The following RNF17 variants were observed in gnomAD, a reference collection of about 807,000 sequenced individuals.
RNF17 encodes the protein spermatogenesis associated 23.
Under a neutral mutation model 200.5 loss-of-function variants are expected in RNF17, and 31 were observed. The observed-to-expected ratio is 0.15, with a 90% confidence interval of 0.12 to 0.21. The LOEUF (loss-of-function observed/expected upper bound fraction) is 0.21. Among genes scored for constraint, RNF17 ranks in the 10% least tolerant of loss-of-function variants. RNF17 has a pLI of 1.00. For synonymous variants in RNF17, 606 were observed against 637.8 expected (o/e 0.95, Z 0.75); for missense variants, 1,628 against 1,905.1 (o/e 0.85, Z 2.71).
At chr13:24,816,568 G>A (rs191029371) in intron 15 of RNF17, among the ~76,000 whole-genome samples, 14 of 152,252 alleles carry the variant, frequency 9.2e-5, no homozygotes, top group African/African-American at 3.4e-4. Flanking sequence ...GCCTTAAGAG[G>A]TAATGCCTGT....
intron 2 of RNF17, among the ~76,000 whole-genome samples, chr13:24,772,251 G>A (rs1880844187): frequency 6.6e-6 from 1 of 152,080 alleles, no homozygotes; most frequent in African/African-American, 2.4e-5. Flanking sequence ...TATTACAGTA[G>A]TGTTATAATA....
intron 5 of RNF17, among the ~76,000 whole-genome samples, 173 bp downstream of exon 5, chr13:24,779,920 CATT>C (rs1269511756): frequency 3.3e-5 from 5 of 152,170 alleles, no homozygotes; most frequent in East Asian, 1.9e-4. Flanking sequence ...GGTCTTGTAA[CATT>C]GTTGTGCTAG....
chr13:24,826,893 T>G (rs1032103119), intron 16 of RNF17, among the ~76,000 whole-genome samples: 2 of 151,770 alleles, frequency 1.3e-5, no homozygotes, highest in African/African-American at 4.8e-5. Context: ...AAACGCTGTC[T>G]CTACTAAAAA....
At chr13:24,764,503 C>A (rs1879278330) in intron 1 of RNF17, 170 bp downstream of exon 1, 3 of 615,578 alleles carry the variant, frequency 4.9e-6, no homozygotes, top group South Asian at 7.1e-5. Context: ...GAGGGCAGTG[C>A]TTGGGTTGGT....
chr13:24,795,237 T>C (rs1242092964), intron 10 of RNF17, among the ~76,000 whole-genome samples: 2 of 152,090 alleles, frequency 1.3e-5, no homozygotes, highest in Admixed American at 1.3e-4. Context: ...ATGTAAACAT[T>C]TACCTCATTC....
At chr13:24,797,542 C>T (rs574588083) in intron 11 of RNF17, among the ~76,000 whole-genome samples, 1 of 152,130 alleles carries the variant, frequency 6.6e-6, no homozygotes, top group East Asian at 1.9e-4. Flanking sequence ...CTGGTTTGGG[C>T]AAATGTCTGT....
At chr13:24,787,584 T>C (rs1381976736) in intron 6 of RNF17, among the ~76,000 whole-genome samples, 1 of 152,178 alleles carries the variant, frequency 6.6e-6, no homozygotes, top group Non-Finnish European at 1.5e-5. Flanking sequence ...TGGGCCTCAG[T>C]GTGGCTTTTT....
At chr13:24,825,586 G>A in intron 15 of RNF17, 33 bp from the exon 16 acceptor site, 1 of 1,428,770 alleles carries the variant, frequency 7.0e-7, no homozygotes, top group South Asian at 1.3e-5. Flanking sequence ...AAGTTTCTGT[G>A]AAATGACAGT....
chr13:24,883,105 G>T, downstream of RNF17: 1 of 1,313,414 alleles, frequency 7.6e-7, no homozygotes, highest in Non-Finnish European at 1.1e-6. Context: ...AAATTAAACA[G>T]AATCCACAGT....
intron 13 of RNF17, 120 bp downstream of exon 13, chr13:24,800,654 ATATTAAACTGT>A (rs1309797890): frequency 1.5e-6 from 1 of 654,744 alleles, no homozygotes; most frequent in African/African-American, 1.8e-5. Flanking sequence ...TACATAGTGC[ATATTAAACTGT>A]TAGTTCTAAT....
upstream of RNF17, among the ~76,000 whole-genome samples, chr13:24,759,889 C>A (rs898129087): frequency 6.6e-6 from 1 of 152,078 alleles, no homozygotes; most frequent in African/African-American, 2.4e-5. Context: ...GCCTGTAATC[C>A]CAGCACTTTG....
intron 19 of RNF17, 69 bp downstream of exon 19, chr13:24,842,230 A>T: frequency 1.5e-6 from 2 of 1,362,726 alleles, no homozygotes; most frequent in Non-Finnish European, 2.0e-6. Flanking sequence ...CAAGAAGGGA[A>T]ACTGGCATAT....
chr13:24,833,286 G>T (rs2138044460), intron 18 of RNF17, among the ~76,000 whole-genome samples: 1 of 152,298 alleles, frequency 6.6e-6, no homozygotes, highest in South Asian at 2.1e-4. Context: ...TCATAAGCTA[G>T]AAATGATAGT....
chr13:24,830,493 G>A lies in RNF17; in HGVS notation c.2255G>A (p.Gly752Glu). The A allele has an allele frequency of 6.3e-7, 1 of 1,587,722 alleles. No homozygotes were observed. Among genetic ancestry groups the A allele is most frequent in the Non-Finnish European group, 8.6e-7 (1 of 1,163,626 alleles). The change falls in exon 17 of 36, where the codon GGA (glycine) becomes GAA (glutamate). Residue 752 changes from glycine (G) to glutamate (E), a missense_variant. By Grantham distance (98) the Gly-to-Glu change is moderately conservative (BLOSUM62 -2). Transcript: ENST00000255324. The part of the protein sequence containing the change: ...WYRAKVIGLP[G>E]HQEVEVKYVD... ...TTCATAATTTTTCAAGGATTGCCTGGACATCAGGAAGTTGAAGTTAAATAT... is the reference window on the plus strand; with the variant it reads ...TTCATAATTTTTCAAGGATTGCCTGAACATCAGGAAGTTGAAGTTAAATAT...
At chr13:24,866,051 G>A in intron 29 of RNF17, 93 bp from the exon 30 acceptor site, 1 of 712,626 alleles carries the variant, frequency 1.4e-6, no homozygotes, top group African/African-American at 1.8e-5. Context: ...TACCAACAAG[G>A]AAATGCACCC....
downstream of RNF17, among the ~76,000 whole-genome samples, chr13:24,883,550 T>A (rs1373383185): frequency 6.6e-6 from 1 of 152,220 alleles, no homozygotes; most frequent in East Asian, 1.9e-4. Context: ...GTTCCAATTA[T>A]CAGATTAGCA....
chr13:24,816,940 G>A (rs1887481902), intron 15 of RNF17, among the ~76,000 whole-genome samples: 1 of 152,226 alleles, frequency 6.6e-6, no homozygotes, highest in Admixed American at 6.5e-5. Flanking sequence ...TCGGGGCAGA[G>A]CTAGAGTTCC....
At chr13:24,787,475 CAG>C (rs1883266455) in intron 6 of RNF17, among the ~76,000 whole-genome samples, 1 of 152,142 alleles carries the variant, frequency 6.6e-6, no homozygotes, top group African/African-American at 2.4e-5. Flanking sequence ...CTTGATGTAA[CAG>C]TCCTTCACTG....
rs776933217 is a variant in RNF17 at position 24,877,175 on chromosome 13, G to T, written c.4762G>T (p.Ala1588Ser). The T allele has an allele frequency of 6.2e-7, 1 of 1,611,766 alleles. No individual in the cohort carries two copies. Among genetic ancestry groups the T allele is most frequent in the Non-Finnish European group, 8.5e-7 (1 of 1,179,230 alleles). ...IDCLQGKQLY[A>S]VSMAPAPEQI... Reference sequence around the variant, plus strand: ...CTGTCTTCAAGGAAAACAACTCTATGCTGTGTCCATGGTAAGTGTCTCAAG... The same window carrying T: ...CTGTCTTCAAGGAAAACAACTCTATTCTGTGTCCATGGTAAGTGTCTCAAG... The change falls in exon 34 of 36, where the codon GCT (alanine) becomes TCT (serine). Residue 1588 changes from alanine (A) to serine (S), a missense_variant. Ala to Ser is a moderately conservative substitution (Grantham distance 99). Around this residue, in one of 5 missense-constraint regions of RNF17, gnomAD observed 609 missense variants for 681.9 expected, o/e 0.89. Transcript: ENST00000255324.
Sources: gnomAD v4.1 joint callset for allele counts (sites outside exome capture counted in the v4.1 genomes callset) on GRCh38, gnomAD v4.1.1 for gene constraint, gnomAD v4.1.1 regional missense constraint, MANE v1.5 for transcripts, NCBI Gene and HGNC (gene_info 2026-07-23, HGNC 2026-07-21) for gene names.